The following TCF20 variants were observed in gnomAD, a reference collection of about 807,000 sequenced individuals.
The protein encoded by TCF20 is transcription factor 20.
In TCF20, 3 loss-of-function variants were observed where a neutral mutation model predicts 148.6. The ratio of observed to expected loss-of-function variants is 0.02; its 90% CI spans 0.01 to 0.05. The LOEUF (loss-of-function observed/expected upper bound fraction) is 0.05. TCF20 is among the 10% of genes least tolerant of loss of function. The pLI is 1.00. For synonymous variants in TCF20, 1,049 were observed against 909.5 expected (o/e 1.15, Z -2.76); for missense variants, 2,350 against 2,429.3 (o/e 0.97, Z 0.69).
At chr22:42,333,484 G>A (rs750563921) in intron 1 of TCF20, among the ~76,000 whole-genome samples, 7 of 152,254 alleles carry the variant, frequency 4.6e-5, no homozygotes, top group Non-Finnish European at 8.8e-5. Flanking sequence ...CACCATGAAC[G>A]CAAGTCACAC....
At chr22:42,321,863 C>A (rs1927738430) in intron 1 of TCF20, among the ~76,000 whole-genome samples, 1 of 151,522 alleles carries the variant, frequency 6.6e-6, no homozygotes, top group Non-Finnish European at 1.5e-5. Context: ...ACAAGAATCG[C>A]TTGAACCCAG....
intron 1 of TCF20, among the ~76,000 whole-genome samples, chr22:42,252,184 G>A (rs1196659114): frequency 2.0e-5 from 3 of 151,032 alleles, no homozygotes; most frequent in African/African-American, 7.3e-5. Flanking sequence ...CTACTTGGGA[G>A]GCTCAGGCAG....
intron 1 of TCF20, among the ~76,000 whole-genome samples, chr22:42,316,334 C>T (rs1031891679): frequency 1.3e-5 from 2 of 152,022 alleles, no homozygotes; most frequent in African/African-American, 2.4e-5. Flanking sequence ...AAACGCTGAC[C>T]CTGTGAAAAT....
At chr22:42,253,582 G>T (rs963977379) in intron 1 of TCF20, among the ~76,000 whole-genome samples, 2 of 151,882 alleles carry the variant, frequency 1.3e-5, no homozygotes, top group Admixed American at 6.6e-5. Context: ...ATCAACAAAA[G>T]TTTTATTTAT....
chr22:42,214,566 A>AAGGAGGAGGAGG lies in TCF20; in HGVS notation c.728_739dup (p.Ser243_Ser246dup), dbSNP rs754279263. The AAGGAGGAGGAGG allele has an allele frequency of 6.2e-7, 1 of 1,605,004 alleles. No individual in the cohort carries two copies. The highest frequency in any genetic ancestry group is 1.3e-5 in the African/African-American group (1 of 74,578). On this transcript the variant is annotated inframe_insertion, in exon 2 of 6. Coordinates refer to ENST00000677622, the MANE Select transcript of TCF20 (RefSeq NM_001378418.1). Reference sequence around the variant, plus strand: ...CTGGCTAAAACGCTGTGGTGAAGGGAAGGAGGAGGAGGAGGAGGAGGAAGC... The same window carrying AAGGAGGAGGAGG: ...CTGGCTAAAACGCTGTGGTGAAGGGAAGGAGGAGGAGGAGGAGGAGGAGGAGGAGGAGGAAGC...
At chr22:42,163,823 C>G (rs1314011768) in intron 5 of TCF20, among the ~76,000 whole-genome samples, 2 of 152,194 alleles carry the variant, frequency 1.3e-5, no homozygotes, top group Admixed American at 6.5e-5. Flanking sequence ...TCACCTTGCT[C>G]CCCAGCTGCC....
At chr22:42,282,368 A>G (rs1182070344) in intron 1 of TCF20, among the ~76,000 whole-genome samples, 2 of 152,168 alleles carry the variant, frequency 1.3e-5, no homozygotes, top group Non-Finnish European at 2.9e-5. Context: ...GACTTGTACC[A>G]TGGCCGCTTC....
chr22:42,319,463 C>T lies in TCF20; in HGVS notation c.-37+24016G>A, dbSNP rs5758707. ...GGACCTCATCCCAGGCTTCTCTCCCCAGACCTCCCCTGCCTCCTGAGCCTG... is the reference window on the plus strand; with the variant it reads ...GGACCTCATCCCAGGCTTCTCTCCCTAGACCTCCCCTGCCTCCTGAGCCTG... On this transcript the variant is annotated intron_variant, in intron 1 of 1. Transcript: ENST00000515426. Among the ~76,000 whole-genome samples the T allele has an allele frequency of 1.6e-3, 242 of 152,326 alleles. 7 individuals carry two copies. The East Asian group carries it at 0.04, about 25-fold the overall frequency.
rs759118027 is a variant in TCF20, at chr22:42,216,079, C to CTTTTTTTTTTTTTTTT, written c.-36-754_-36-739dup. ...GGTGTGGGGTAAGAAAAACCAAATCCTTTTTTTTTTTTTTTTTTTTTTTTT... is the reference window on the plus strand; with the variant it reads ...GGTGTGGGGTAAGAAAAACCAAATCCTTTTTTTTTTTTTTTTTTTTTTTTTTTTTTTTTTTTTTTTT... On this transcript the variant is annotated intron_variant, in intron 1 of 5. Coordinates refer to ENST00000677622, the MANE Select transcript of TCF20 (RefSeq NM_001378418.1). Among the ~76,000 whole-genome samples, 71 of 50,572 alleles carry CTTTTTTTTTTTTTTTT rather than the reference C, an allele frequency of 1.4e-3. 14 individuals are homozygous for CTTTTTTTTTTTTTTTT. Among genetic ancestry groups the CTTTTTTTTTTTTTTTT allele is most frequent in the African/African-American group, 3.0e-3 (35 of 11,834 alleles). The allele number at this position is 50,572 out of a possible 152,430, so 33.2% of individuals were successfully genotyped here.
intron 1 of TCF20, among the ~76,000 whole-genome samples, chr22:42,236,753 T>C (rs1923924554): frequency 1.3e-5 from 2 of 152,324 alleles, no homozygotes; most frequent in African/African-American, 4.8e-5. Flanking sequence ...TGGGTCTGGT[T>C]CCAGACCGTG....
chr22:42,280,609 G>A (rs1485455327), intron 1 of TCF20, among the ~76,000 whole-genome samples: 2 of 152,208 alleles, frequency 1.3e-5, no homozygotes, highest in African/African-American at 4.8e-5. Flanking sequence ...CTAGAACACA[G>A]CCTGCAAATC....
chr22:42,214,846 G>C lies in TCF20; in HGVS notation c.460C>G (p.Gln154Glu). Residue 154 changes from glutamine to glutamate, a missense_variant, in exon 2 of 6, where the codon CAG becomes GAG. By Grantham distance (29) the Gln-to-Glu change is conservative. Coordinates refer to ENST00000677622, the MANE Select transcript of TCF20 (RefSeq NM_001378418.1). ...GGAGAGAAAGGCCCAGTGTAATCCT[G>C]CTGATAATGTGACACACCGCCAAGG... is the stretch of plus-strand genomic sequence containing the variant. ...SGLGGVSHYQ[Q>E]DYTGPFSPGS... 6.2e-7 allele frequency: 1 copy of C among 1,614,144 alleles called. No individual in the cohort carries two copies. Among genetic ancestry groups the C allele is most frequent in the Non-Finnish European group, 8.5e-7 (1 of 1,180,036 alleles).
At chr22:42,215,547 T>C (rs368933079) in intron 1 of TCF20, 1 of 582,844 alleles carries the variant, frequency 1.7e-6, no homozygotes, top group African/African-American at 1.9e-5. Context: ...CTCAGCTCAA[T>C]GCAACTTCTG....
chr22:42,313,692 T>C (rs1471116889), intron 1 of TCF20, among the ~76,000 whole-genome samples: 7 of 146,618 alleles, frequency 4.8e-5, no homozygotes, highest in African/African-American at 1.5e-4. Flanking sequence ...CTCCACCTCC[T>C]GTGTTCAAGC....
chr22:42,242,087 C>A (rs1432594132), intron 1 of TCF20, among the ~76,000 whole-genome samples: 1 of 150,930 alleles, frequency 6.6e-6, no homozygotes, highest in South Asian at 2.1e-4. Context: ...CTGTAAGTCC[C>A]AGCTACTCGG....
At chr22:42,197,750 AT>A (rs1234525938) in intron 2 of TCF20, among the ~76,000 whole-genome samples, 2 of 152,256 alleles carry the variant, frequency 1.3e-5, no homozygotes, top group Non-Finnish European at 2.9e-5. Context: ...AGAAAAACAA[AT>A]TGAGAATAAT....
upstream of TCF20, among the ~76,000 whole-genome samples, chr22:42,285,221 C>T (rs1180970301): frequency 4.6e-5 from 7 of 152,144 alleles, no homozygotes; most frequent in Admixed American, 6.5e-5. The surrounding 1 kb of genome is among the most constrained non-coding windows in gnomAD (Gnocchi z 4.2). Context: ...ACTTGGCACA[C>T]GCCTGCCACT....
At chr22:42,310,246 T>G (rs938914238) in intron 1 of TCF20, among the ~76,000 whole-genome samples, 2 of 152,198 alleles carry the variant, frequency 1.3e-5, no homozygotes, top group African/African-American at 2.4e-5. Flanking sequence ...AAGTGTTTAA[T>G]TAGGGCAATG....
chr22:42,314,896 C>A (rs1351008270), intron 1 of TCF20, among the ~76,000 whole-genome samples: 1 of 152,092 alleles, frequency 6.6e-6, no homozygotes, highest in Non-Finnish European at 1.5e-5. Context: ...AGGGGAGCGG[C>A]TGAATGAGGG....
Sources: allele counts gnomAD v4.1 joint callset (sites outside exome capture counted in the v4.1 genomes callset), GRCh38; gene constraint gnomAD v4.1.1; non-coding constraint Gnocchi (gnomAD v3.1); transcripts MANE v1.5; gene names NCBI Gene and HGNC (gene_info 2026-07-23, HGNC 2026-07-21).